CSGALNACT1: variants seen among roughly 807,000 people sequenced by gnomAD.
CSGALNACT1 encodes the protein beta4GalNAcT-1.
A neutral mutation model predicts 51.0 loss-of-function variants in CSGALNACT1; 52 were observed. The observed-to-expected ratio is 1.02, with a 90% confidence interval of 0.82 to 1.29. The LOEUF (loss-of-function observed/expected upper bound fraction) is 1.29. CSGALNACT1 is among the 50% of genes most tolerant of loss of function. The pLI is 0.00. For missense variants in CSGALNACT1, 935 were observed against 679.2 expected (o/e 1.38, Z -4.19); for synonymous variants, 341 against 254.4 (o/e 1.34, Z -3.24).
At chr8:19,442,041 T>C (rs2061403906) in intron 5 of CSGALNACT1, among the ~76,000 whole-genome samples, 1 of 152,146 alleles carries the variant, frequency 6.6e-6, no homozygotes, top group African/African-American at 2.4e-5. Context: ...CCAGTTAGAA[T>C]GGTGATCATT....
At chr8:19,654,491 T>C (rs938927891) in intron 1 of CSGALNACT1, among the ~76,000 whole-genome samples, 4 of 152,214 alleles carry the variant, frequency 2.6e-5, no homozygotes, top group Non-Finnish European at 4.4e-5. Flanking sequence ...AATTATGTTT[T>C]CCTTGGTTTC....
At chr8:19,564,660 G>A (rs976374620) in intron 3 of CSGALNACT1, among the ~76,000 whole-genome samples, 2 of 152,148 alleles carry the variant, frequency 1.3e-5, no homozygotes, top group African/African-American at 2.4e-5. Flanking sequence ...TGTCCAATCA[G>A]AATTCATCTT....
At chr8:19,467,838 T>G (rs1047349902) in intron 4 of CSGALNACT1, among the ~76,000 whole-genome samples, 4 of 152,012 alleles carry the variant, frequency 2.6e-5, no homozygotes, top group Admixed American at 6.6e-5. Context: ...TACTAAAAAT[T>G]AGCCAGGCAT....
At chr8:19,411,828 T>G (rs1258793272) in intron 8 of CSGALNACT1, among the ~76,000 whole-genome samples, 3 of 140,874 alleles carry the variant, frequency 2.1e-5, no homozygotes, top group Admixed American at 1.4e-4. Context: ...CCAAGCACTA[T>G]CCTCCTTTTT....
At chr8:19,429,223 C>G (rs1038948827) in intron 6 of CSGALNACT1, among the ~76,000 whole-genome samples, 26 of 152,196 alleles carry the variant, frequency 1.7e-4, no homozygotes, top group African/African-American at 5.3e-4. Flanking sequence ...GTCACCCAGG[C>G]TGGAGTACAG....
chr8:19,593,925 C>CAGG (rs1331202279), intron 2 of CSGALNACT1, among the ~76,000 whole-genome samples: 1 of 152,170 alleles, frequency 6.6e-6, no homozygotes, highest in Non-Finnish European at 1.5e-5. Context: ...CTGTCTCTCC[C>CAGG]TCTAGGCTGC....
chr8:19,504,102 A>G (rs1194314031), intron 4 of CSGALNACT1, among the ~76,000 whole-genome samples: 1 of 152,138 alleles, frequency 6.6e-6, no homozygotes, highest in Non-Finnish European at 1.5e-5. Context: ...TTTGAGACGG[A>G]GTCTCTCTCT....
At chr8:19,550,638 T>C (rs1328497344) in intron 3 of CSGALNACT1, among the ~76,000 whole-genome samples, 1 of 152,226 alleles carries the variant, frequency 6.6e-6, no homozygotes, top group Non-Finnish European at 1.5e-5. Context: ...TCCTTCACTG[T>C]CTACCCTGAA....
chr8:19,553,762 A>G (rs1361645401), intron 3 of CSGALNACT1, among the ~76,000 whole-genome samples: 1 of 151,506 alleles, frequency 6.6e-6, no homozygotes, highest in Non-Finnish European at 1.5e-5. Context: ...GGGACCCCAA[A>G]GATAATAGAA....
At chr8:19,569,952 A>G (rs1413515022) in intron 3 of CSGALNACT1, among the ~76,000 whole-genome samples, 1 of 152,218 alleles carries the variant, frequency 6.6e-6, no homozygotes, top group Non-Finnish European at 1.5e-5. Context: ...ATAAAGGAAG[A>G]TATACTCTAT....
chr8:19,435,942 A>G (rs1457280219), intron 6 of CSGALNACT1, among the ~76,000 whole-genome samples: 1 of 152,112 alleles, frequency 6.6e-6, no homozygotes, highest in East Asian at 1.9e-4. Context: ...TATCCTTACT[A>G]CTTGTGCTTC....
intron 3 of CSGALNACT1, among the ~76,000 whole-genome samples, chr8:19,507,633 T>G (rs1209269898): frequency 6.6e-6 from 1 of 152,110 alleles, no homozygotes; most frequent in East Asian, 1.9e-4. Flanking sequence ...GCATCTTTCT[T>G]TTTTTCTCTT....
At chr8:19,615,764 G>A (rs538590726) in intron 1 of CSGALNACT1, among the ~76,000 whole-genome samples, 1 of 152,250 alleles carries the variant, frequency 6.6e-6, no homozygotes, top group South Asian at 2.1e-4. Context: ...GGAGCAAGAT[G>A]TATCCAGAAA....
intron 1 of CSGALNACT1, among the ~76,000 whole-genome samples, chr8:19,670,073 C>T (rs1021260992): frequency 6.6e-6 from 1 of 152,196 alleles, no homozygotes; most frequent in Non-Finnish European, 1.5e-5. Context: ...TAGTTCATTG[C>T]CATGTCCCCT....
chr8:19,481,425 G>C (rs1173239346), intron 4 of CSGALNACT1, among the ~76,000 whole-genome samples: 5 of 152,130 alleles, frequency 3.3e-5, no homozygotes, highest in Non-Finnish European at 1.5e-5. Flanking sequence ...ATGGGAAGGT[G>C]CTTAGCAGGT....
At chr8:19,533,833 G>A (rs1475331444) in intron 3 of CSGALNACT1, among the ~76,000 whole-genome samples, 1 of 152,008 alleles carries the variant, frequency 6.6e-6, no homozygotes, top group Non-Finnish European at 1.5e-5. Context: ...CAGTCTAATT[G>A]GGAATACATG....
intron 6 of CSGALNACT1, among the ~76,000 whole-genome samples, chr8:19,422,672 G>A (rs1242315097): frequency 6.6e-6 from 1 of 152,330 alleles, no homozygotes; most frequent in East Asian, 1.9e-4. Context: ...ACCAGTCAAG[G>A]ACACGCTATC....
chr8:19,727,986 T>A (rs1294935518), intron 1 of CSGALNACT1, among the ~76,000 whole-genome samples: 2 of 152,166 alleles, frequency 1.3e-5, no homozygotes, highest in African/African-American at 4.8e-5. Flanking sequence ...AGCAGCAAGA[T>A]GTCATTCCAA....
chr8:19,708,989 A>G (rs2062345425), intron 1 of CSGALNACT1, among the ~76,000 whole-genome samples: 1 of 152,204 alleles, frequency 6.6e-6, no homozygotes, highest in South Asian at 2.1e-4. Flanking sequence ...ATTCCACAGG[A>G]AAGATCACAT....
Sources: gnomAD v4.1 joint callset for allele counts (sites outside exome capture counted in the v4.1 genomes callset) on GRCh38, gnomAD v4.1.1 for gene constraint, MANE v1.5 for transcripts, NCBI Gene and HGNC (gene_info 2026-07-23, HGNC 2026-07-21) for gene names.